Variants in TAFA5 observed in about 807,000 individuals in gnomAD.
The protein encoded by TAFA5 is chemokine-like protein TAFA-5.
Under a neutral mutation model 15.3 loss-of-function variants are expected in TAFA5, and 6 were observed. That is an observed-to-expected ratio of 0.39 (90% confidence interval 0.21 to 0.77). TAFA5 has a LOEUF of 0.77. Ranked by LOEUF, TAFA5 falls within the 30% of genes least tolerant of loss-of-function variation. TAFA5 has a pLI of 0.41. For synonymous variants in TAFA5, 103 were observed against 80.7 expected (o/e 1.28, Z -1.48); for missense variants, 161 against 193.1 (o/e 0.83, Z 0.98).
At chr22:48,624,057 A>C (rs570449640) in intron 1 of TAFA5, among the ~76,000 whole-genome samples, 89 of 152,232 alleles carry the variant, frequency 5.8e-4, no homozygotes, top group African/African-American at 1.9e-3. Context: ...ATTAGTTGTC[A>C]CGTCTCCTAG....
At chr22:48,524,003 C>T (rs1921695508) in intron 1 of TAFA5, among the ~76,000 whole-genome samples, 1 of 152,210 alleles carries the variant, frequency 6.6e-6, no homozygotes. Flanking sequence ...GCCCCGGGGC[C>T]GGGCTGGCCT....
chr22:48,541,389 G>T (rs2147119199), intron 1 of TAFA5, among the ~76,000 whole-genome samples: 1 of 152,312 alleles, frequency 6.6e-6, no homozygotes, highest in Admixed American at 6.5e-5. Flanking sequence ...CAGGGACTTG[G>T]AGACCCTCCC....
chr22:48,669,596 T>C (rs888046132), intron 2 of TAFA5, among the ~76,000 whole-genome samples: 1 of 152,204 alleles, frequency 6.6e-6, no homozygotes, highest in Non-Finnish European at 1.5e-5. Context: ...GTCCTTGGAA[T>C]AATGACGAGA....
At chr22:48,587,744 A>G (rs1924412778) in intron 1 of TAFA5, among the ~76,000 whole-genome samples, 1 of 152,112 alleles carries the variant, frequency 6.6e-6, no homozygotes, top group South Asian at 2.1e-4. Context: ...CCTTCCAGCC[A>G]CCCGCGTGAG....
At chr22:48,497,539 A>G (rs1489572690) in intron 1 of TAFA5, among the ~76,000 whole-genome samples, 4 of 60,668 alleles carry the variant, frequency 6.6e-5, no homozygotes, top group African/African-American at 2.9e-4. Context: ...TCAGAGGAGT[A>G]GCTGGAATCC....
At position 48,680,000 on chromosome 22, in the gene TAFA5, G is replaced by A. The variant is rs183851201; in HGVS notation, c.263-27717G>A. Among the ~76,000 whole-genome samples, 526 of 152,320 alleles carry A rather than the reference G, an allele frequency of 3.5e-3. 1 individual carries two copies. The highest frequency in any genetic ancestry group is 0.01 in the Middle Eastern group (3 of 294). ...TTTCCCACTTGTAAATGTTATCCCA[G>A]CATCACCCCCAGGAGTCACAGAGGC... On this transcript the variant is annotated intron_variant, in intron 2 of 3. Transcript: ENST00000402357.
At chr22:48,611,227 A>G (rs1000555545) in intron 1 of TAFA5, among the ~76,000 whole-genome samples, 1 of 152,134 alleles carries the variant, frequency 6.6e-6, no homozygotes, top group African/African-American at 2.4e-5. Flanking sequence ...GAGGCACCGC[A>G]CTCAGCCTAT....
rs1276650860 is a variant in TAFA5 at position 48,560,453 on chromosome 22, C to T, written c.112+70749C>T. 1.3e-5 allele frequency among the ~76,000 whole-genome samples: 2 copies of T among 152,096 alleles called. No homozygotes were observed. The highest frequency in any genetic ancestry group is 2.1e-4 in the South Asian group (1 of 4,820). ...AGGCCATCAGGGCCTGGGGCCAGCC[C>T]GGGCAAGGACAGTGCCAGCAGGCGC... On this transcript the variant is annotated intron_variant, in intron 1 of 3. Coordinates refer to ENST00000402357, the MANE Select transcript of TAFA5 (RefSeq NM_001082967.3). The surrounding 1 kb of genome is among the most constrained non-coding windows in gnomAD (Gnocchi z 4.2).
At chr22:48,722,359 T>C (rs1051879405) in intron 3 of TAFA5, among the ~76,000 whole-genome samples, 4 of 152,216 alleles carry the variant, frequency 2.6e-5, no homozygotes, top group Non-Finnish European at 5.9e-5. Context: ...ATATACACCA[T>C]AGAATACTAT....
chr22:48,586,837 A>G (rs1924379448), intron 1 of TAFA5, among the ~76,000 whole-genome samples: 1 of 152,198 alleles, frequency 6.6e-6, no homozygotes, highest in African/African-American at 2.4e-5. Context: ...TTGTCCAGAC[A>G]CTGTTGCAGG....
intron 1 of TAFA5, among the ~76,000 whole-genome samples, chr22:48,584,611 C>T (rs183881121): frequency 0.07 from 10,387 of 149,042 alleles, 413 homozygotes; most frequent in South Asian, 0.18. Flanking sequence ...ACACCACACA[C>T]GCATGCACAC....
chr22:48,563,398 C>T (rs1474577678), intron 1 of TAFA5, among the ~76,000 whole-genome samples: 1 of 152,202 alleles, frequency 6.6e-6, no homozygotes, highest in African/African-American at 2.4e-5. Context: ...TCTGGCCTCA[C>T]TCACCGGCAG....
At chr22:48,559,141 T>G (rs1569025377) in intron 1 of TAFA5, among the ~76,000 whole-genome samples, 2 of 152,298 alleles carry the variant, frequency 1.3e-5, no homozygotes, top group East Asian at 3.9e-4. Flanking sequence ...GGAACCCAGT[T>G]GGGCTGCCCT....
At chr22:48,709,528 A>C (rs74957796) in intron 3 of TAFA5, among the ~76,000 whole-genome samples, 2,242 of 152,278 alleles carry the variant, frequency 0.015, 49 homozygotes, top group African/African-American at 0.05. Context: ...AGAAGCTTCA[A>C]CATAAGCGGC....
At chr22:48,746,760 C>T (rs1447118887) in intron 3 of TAFA5, among the ~76,000 whole-genome samples, 1 of 152,122 alleles carries the variant, frequency 6.6e-6, no homozygotes, top group South Asian at 2.1e-4. Flanking sequence ...GGACAGAAGC[C>T]GGAGGGGCCT....
At chr22:48,635,960 G>T (rs1372616853) in intron 1 of TAFA5, among the ~76,000 whole-genome samples, 1 of 152,252 alleles carries the variant, frequency 6.6e-6, no homozygotes, top group African/African-American at 2.4e-5. Context: ...CTTGGGAGGA[G>T]CTGTGGGTCC....
intron 1 of TAFA5, among the ~76,000 whole-genome samples, chr22:48,572,892 G>A (rs570078984): frequency 6.6e-6 from 1 of 152,232 alleles, no homozygotes; most frequent in African/African-American, 2.4e-5. Flanking sequence ...CTTTTTGTTG[G>A]TGACAAAGTC....
chr22:48,694,782 C>G (rs1300253168), intron 2 of TAFA5, among the ~76,000 whole-genome samples: 3 of 130,832 alleles, frequency 2.3e-5, no homozygotes, highest in African/African-American at 8.5e-5. Flanking sequence ...CCTCCTCCCC[C>G]ACCCCCCACC....
chr22:48,685,507 A>C (rs904066721), intron 2 of TAFA5, among the ~76,000 whole-genome samples: 1 of 152,162 alleles, frequency 6.6e-6, no homozygotes, highest in South Asian at 2.1e-4. Context: ...GCTGCACCAG[A>C]GTCAGGTTGG....
Sources: gnomAD v4.1 joint callset for allele counts (sites outside exome capture counted in the v4.1 genomes callset) on GRCh38, gnomAD v4.1.1 for gene constraint, Gnocchi (gnomAD v3.1) non-coding constraint, MANE v1.5 for transcripts, NCBI Gene and HGNC (gene_info 2026-07-23, HGNC 2026-07-21) for gene names.